Variants in TMED3 observed in about 807,000 individuals in gnomAD.
TMED3 encodes the protein transmembrane p24 trafficking protein 3.
Under a neutral mutation model 15.0 loss-of-function variants are expected in TMED3, and 9 were observed. That is an observed-to-expected ratio of 0.60 (90% CI 0.36 to 1.04). The LOEUF (loss-of-function observed/expected upper bound fraction) is 1.04. Ranked by LOEUF, TMED3 falls within the 50% of genes least tolerant of loss-of-function variation. TMED3 has a pLI of 0.01. For synonymous variants in TMED3, 117 were observed against 121.4 expected, an observed-to-expected ratio of 0.96 and a Z score of 0.24; for missense variants, 267 against 278.9, an observed-to-expected ratio of 0.96 and a Z score of 0.30.
downstream of TMED3, among the ~76,000 whole-genome samples, chr15:79,323,323 G>C (rs992160713): frequency 4.6e-5 from 7 of 152,176 alleles, no homozygotes; most frequent in Admixed American, 3.9e-4. Context: ...CTGAAATCCT[G>C]CACCGTCTGA....
In TMED3 at chr15:79,322,740, C is replaced by T; in HGVS notation, c.*526C>T. The T allele has an allele frequency of 2.0e-6, 2 of 985,698 alleles. No homozygotes were observed. Among genetic ancestry groups the T allele is most frequent in the Non-Finnish European group, 2.4e-6 (2 of 830,264 alleles). 61.1% of individuals were successfully genotyped at this position (985,698 alleles called of 1,614,324 possible). ...TGAGCAACAGTGTCAGCCATGCAAG[C>T]AGGACAGAATGGTGACTGGGTGCCC... On this transcript the variant is annotated 3_prime_UTR_variant, in exon 3 of 3. Coordinates refer to ENST00000299705, the MANE Select transcript of TMED3 (RefSeq NM_007364.4).
chr15:79,393,683 T>C (rs1893725457), intron 2 of TMED3, among the ~76,000 whole-genome samples: 1 of 152,126 alleles, frequency 6.6e-6, no homozygotes, highest in African/African-American at 2.4e-5. Flanking sequence ...CCCATTTGGT[T>C]CATCTAAGCA....
chr15:79,395,536 T>TA (rs1185437719), intron 2 of TMED3, among the ~76,000 whole-genome samples: 36 of 151,552 alleles, frequency 2.4e-4, no homozygotes, highest in South Asian at 2.1e-3. Flanking sequence ...AACTACACTT[T>TA]AAAAAAAAAG....
chr15:79,359,786 A>G (rs1893088300), intron 2 of TMED3, among the ~76,000 whole-genome samples: 1 of 152,184 alleles, frequency 6.6e-6, no homozygotes, highest in Non-Finnish European at 1.5e-5. Flanking sequence ...ATAAGTGAGT[A>G]AATACAAGTA....
chr15:79,337,605 T>G (rs994473985), intron 2 of TMED3, among the ~76,000 whole-genome samples: 1 of 152,204 alleles, frequency 6.6e-6, no homozygotes, highest in Non-Finnish European at 1.5e-5. Context: ...ACTAGGTGCA[T>G]TTCGTAGCTT....
chr15:79,394,725 G>A (rs2141255012), intron 2 of TMED3, among the ~76,000 whole-genome samples: 1 of 152,304 alleles, frequency 6.6e-6, no homozygotes, highest in East Asian at 1.9e-4. Flanking sequence ...ACTAAGAATA[G>A]AGAATAATAT....
At chr15:79,337,220 G>C (rs2058830434) in intron 2 of TMED3, among the ~76,000 whole-genome samples, 1 of 152,196 alleles carries the variant, frequency 6.6e-6, no homozygotes, top group South Asian at 2.1e-4. Context: ...TTTCTCCTGA[G>C]ACCTCTCTCC....
intron 2 of TMED3, among the ~76,000 whole-genome samples, chr15:79,352,654 C>A: frequency 9.4e-6 from 1 of 106,022 alleles, no homozygotes; most frequent in African/African-American, 3.5e-5. Flanking sequence ...AACACAAGGT[C>A]ATTAACTAAG....
At chr15:79,331,111 C>T (rs1424887642) in intron 2 of TMED3, among the ~76,000 whole-genome samples, 3 of 152,170 alleles carry the variant, frequency 2.0e-5, no homozygotes, top group East Asian at 3.9e-4. Flanking sequence ...CACTTTTAAA[C>T]AACCAGATTG....
At chr15:79,400,234 C>T (rs1408554837) in intron 2 of TMED3, among the ~76,000 whole-genome samples, 1 of 152,224 alleles carries the variant, frequency 6.6e-6, no homozygotes, top group Admixed American at 6.5e-5. Flanking sequence ...GCTTCAATGT[C>T]ACTTCCACAA....
At chr15:79,336,700 A>G (rs1403794076) in intron 2 of TMED3, among the ~76,000 whole-genome samples, 1 of 135,080 alleles carries the variant, frequency 7.4e-6, no homozygotes, top group Non-Finnish European at 1.7e-5. Context: ...AAAACAAACA[A>G]ACAAACAAAC....
intron 2 of TMED3, among the ~76,000 whole-genome samples, chr15:79,346,530 G>T (rs961317851): frequency 6.6e-6 from 1 of 152,098 alleles, no homozygotes; most frequent in Non-Finnish European, 1.5e-5. Flanking sequence ...TGATTGTGAG[G>T]CCTCCTGAGC....
intron 2 of TMED3, among the ~76,000 whole-genome samples, chr15:79,380,334 A>G (rs927353523): frequency 6.6e-6 from 1 of 151,360 alleles, no homozygotes; most frequent in Non-Finnish European, 1.5e-5. Flanking sequence ...TGGGCGACAG[A>G]GCGAGACTCT....
intron 2 of TMED3, chr15:79,314,517 T>C (rs1274194153): frequency 4.4e-6 from 2 of 455,244 alleles, no homozygotes; most frequent in Admixed American, 4.7e-5. Context: ...CATTCTTTCT[T>C]GTCATCTTTC....
intron 2 of TMED3, among the ~76,000 whole-genome samples, chr15:79,366,445 C>A (rs1467387667): frequency 6.6e-6 from 1 of 152,220 alleles, no homozygotes; most frequent in African/African-American, 2.4e-5. Flanking sequence ...TCATCCGCAA[C>A]ATTTAGTTTC....
chr15:79,411,355 C>A (rs976962535), intron 2 of TMED3: 1 of 700,236 alleles, frequency 1.4e-6, no homozygotes, highest in Non-Finnish European at 2.6e-6. Flanking sequence ...GTTCATGGTT[C>A]CACATTTCAT....
intron 2 of TMED3, among the ~76,000 whole-genome samples, chr15:79,332,502 A>T (rs1015456850): frequency 2.0e-5 from 3 of 152,214 alleles, no homozygotes; most frequent in African/African-American, 7.2e-5. Flanking sequence ...CCACTAAGAC[A>T]TGTTAAAGAC....
chr15:79,385,791 G>A (rs1025318286), intron 2 of TMED3, among the ~76,000 whole-genome samples: 8 of 152,244 alleles, frequency 5.3e-5, no homozygotes, highest in African/African-American at 1.9e-4. Context: ...CACCTGGGGA[G>A]CTGAACCCCC....
chr15:79,318,257 T>G (rs1272667505), intron 2 of TMED3, among the ~76,000 whole-genome samples: 1 of 152,208 alleles, frequency 6.6e-6, no homozygotes, highest in African/African-American at 2.4e-5. Context: ...TGTTGGCTGT[T>G]TATACTGCAT....
Sources: allele counts gnomAD v4.1 joint callset (sites outside exome capture counted in the v4.1 genomes callset), GRCh38; gene constraint gnomAD v4.1.1; transcripts MANE v1.5; gene names NCBI Gene and HGNC (gene_info 2026-07-23, HGNC 2026-07-21).